Variants in CAMTA1 observed in about 807,000 individuals in gnomAD.
CAMTA1 encodes the protein calmodulin binding transcription activator 1, also known as calmodulin-binding transcription activator 1.
CAMTA1 carries 27 observed loss-of-function variants against 170.9 expected under a neutral mutation model. The observed-to-expected ratio is 0.16, with a 90% CI of 0.12 to 0.22. The LOEUF is 0.22. CAMTA1 is among the 10% of genes least tolerant of loss of function. The probability of loss-of-function intolerance (pLI) is 1.00; values close to 1 mark genes in which losing one functional copy is unlikely to be tolerated. For synonymous variants in CAMTA1, 833 were observed against 891.5 expected (o/e 0.93, Z 1.17); for missense variants, 1,619 against 2,217.2 (o/e 0.73, Z 5.42).
chr1:7,236,681 AGGGCCCTCCCC>A (rs1663929188), intron 4 of CAMTA1, among the ~76,000 whole-genome samples: 1 of 152,216 alleles, frequency 6.6e-6, no homozygotes, highest in African/African-American at 2.4e-5. Flanking sequence ...ATGGGTGTAA[AGGGCCCTCCCC>A]GGCACCTGGC....
chr1:6,889,150 A>G (rs1464118293), intron 3 of CAMTA1, among the ~76,000 whole-genome samples: 1 of 152,268 alleles, frequency 6.6e-6, no homozygotes, highest in Non-Finnish European at 1.5e-5. Flanking sequence ...AAATAAAAGC[A>G]AAGGCTAAAT....
At chr1:7,498,194 G>GAGTGTTGGT (rs58349140) in intron 6 of CAMTA1, among the ~76,000 whole-genome samples, 9 of 145,528 alleles carry the variant, frequency 6.2e-5, no homozygotes, top group African/African-American at 2.4e-4. Context: ...GAGAGTGAGT[G>GAGTGTTGGT]TGTGTGTGTG....
intron 11 of CAMTA1, chr1:7,698,650 CCT>C (rs35555090): frequency 0.097 from 14,719 of 152,370 alleles, 855 homozygotes; most frequent in Middle Eastern, 0.23. Context: ...CCCCCTTTCC[CCT>C]GAGTCAGCCA....
chr1:7,163,137 A>G (rs1373123603), intron 4 of CAMTA1, among the ~76,000 whole-genome samples: 1 of 151,810 alleles, frequency 6.6e-6, no homozygotes, highest in Non-Finnish European at 1.5e-5. Flanking sequence ...TGAATAAACC[A>G]TGTGGTTGGA....
intron 3 of CAMTA1, among the ~76,000 whole-genome samples, chr1:6,829,453 T>C (rs987870053): frequency 6.6e-6 from 1 of 152,220 alleles, no homozygotes; most frequent in Non-Finnish European, 1.5e-5. Flanking sequence ...CAATTTTAGA[T>C]TGTGCTCCCG....
chr1:7,355,727 A>G (rs845199), intron 5 of CAMTA1, among the ~76,000 whole-genome samples: 138,791 of 152,244 alleles, frequency 0.91, 63,324 homozygotes, highest in East Asian at 1. Flanking sequence ...AACCCCTGCC[A>G]TGGCCTTCCA....
chr1:7,612,653 G>A (rs762590395), intron 6 of CAMTA1, among the ~76,000 whole-genome samples: 4 of 152,204 alleles, frequency 2.6e-5, no homozygotes, highest in African/African-American at 4.8e-5. Context: ...TCACTGGGCC[G>A]GAAGGGCAGG....
chr1:7,415,282 G>A (rs1183377133), intron 5 of CAMTA1, among the ~76,000 whole-genome samples: 5 of 151,228 alleles, frequency 3.3e-5, no homozygotes, highest in African/African-American at 1.2e-4. Flanking sequence ...GGTCTGCTTG[G>A]TGCAGAGCTG....
In CAMTA1 at chr1:7,642,423, C is replaced by A. The variant is rs528035856; in HGVS notation, c.664+1870C>A. On this transcript the variant is annotated intron_variant, in intron 7 of 22. Coordinates refer to ENST00000303635, the MANE Select transcript of CAMTA1 (RefSeq NM_015215.4). This position sits in a 1 kb window ranked among gnomAD's most constrained non-coding sequence, Gnocchi z 6.3. Reference sequence around the variant, plus strand: ...AGCCGGGGCTGCTGAGTGGCACTTTCCCAAGGGCAGGCCAGAGGCTAGGAG... The same window carrying A: ...AGCCGGGGCTGCTGAGTGGCACTTTACCAAGGGCAGGCCAGAGGCTAGGAG... Among the ~76,000 whole-genome samples the A allele has an allele frequency of 1.3e-5, 2 of 152,178 alleles. No individual in the cohort carries two copies. The highest frequency in any genetic ancestry group is 1.9e-4 in the East Asian group (1 of 5,184).
intron 4 of CAMTA1, among the ~76,000 whole-genome samples, chr1:7,160,762 C>T (rs1355220883): frequency 6.6e-6 from 1 of 152,210 alleles, no homozygotes; most frequent in East Asian, 1.9e-4. Flanking sequence ...ACAGTAACCC[C>T]ATTTGACTAC....
chr1:7,514,832 G>GC (rs1466364432), intron 6 of CAMTA1, among the ~76,000 whole-genome samples: 2 of 152,092 alleles, frequency 1.3e-5, no homozygotes, highest in Admixed American at 6.5e-5. Flanking sequence ...CAAGAGGCCC[G>GC]CCCCCCACCA....
At chr1:6,942,654 G>C (rs896974447) in intron 3 of CAMTA1, among the ~76,000 whole-genome samples, 1 of 152,056 alleles carries the variant, frequency 6.6e-6, no homozygotes, top group African/African-American at 2.4e-5. Context: ...GTGAGACCCT[G>C]TCTCTAAAAA....
intron 6 of CAMTA1, among the ~76,000 whole-genome samples, chr1:7,512,521 G>C (rs563068184): frequency 3.0e-4 from 45 of 152,358 alleles, no homozygotes; most frequent in African/African-American, 9.9e-4. Context: ...CTGTGTCCAG[G>C]CTGAGGGGTG....
intron 5 of CAMTA1, among the ~76,000 whole-genome samples, chr1:7,282,405 G>GC (rs2149461485): frequency 1.3e-5 from 2 of 152,120 alleles, no homozygotes; most frequent in East Asian, 3.9e-4. Flanking sequence ...TCTGATAACT[G>GC]CCCCCAGATC....
chr1:7,704,149 G>A (rs1170134375), intron 11 of CAMTA1, among the ~76,000 whole-genome samples: 1 of 150,644 alleles, frequency 6.6e-6, no homozygotes, highest in Non-Finnish European at 1.5e-5. Context: ...CCCGCCGGCT[G>A]CATTGCAGAC....
intron 11 of CAMTA1, chr1:7,694,280 T>C (rs973548241): frequency 1.3e-5 from 2 of 152,236 alleles, no homozygotes; most frequent in African/African-American, 4.8e-5. Flanking sequence ...TTATGTAGTA[T>C]TCAGCAGTTC....
intron 4 of CAMTA1, among the ~76,000 whole-genome samples, chr1:7,236,114 C>T (rs1663806572): frequency 6.6e-6 from 1 of 152,124 alleles, no homozygotes; most frequent in Non-Finnish European, 1.5e-5. Flanking sequence ...GCTCCTTGTC[C>T]CCCAAATCGT....
intron 3 of CAMTA1, among the ~76,000 whole-genome samples, chr1:7,055,647 T>C (rs1353265421): frequency 6.6e-6 from 1 of 152,224 alleles, no homozygotes; most frequent in African/African-American, 2.4e-5. Context: ...GTGGGTCACC[T>C]GAGTGTCCTG....
At chr1:7,655,106 A>ACACACC (rs149236848) in intron 7 of CAMTA1, among the ~76,000 whole-genome samples, 83,525 of 103,524 alleles carry the variant, frequency 0.81, 32,127 homozygotes, top group East Asian at 0.95. Flanking sequence ...ACACACCTAT[A>ACACACC]CACACACCTA....
Sources: allele counts gnomAD v4.1 joint callset (sites outside exome capture counted in the v4.1 genomes callset), GRCh38; gene constraint gnomAD v4.1.1; non-coding constraint Gnocchi (gnomAD v3.1); transcripts MANE v1.5; gene names NCBI Gene and HGNC (gene_info 2026-07-23, HGNC 2026-07-21).